Variants in CDCA4 observed in about 807,000 individuals in gnomAD.
CDCA4 encodes the protein cell division cycle associated 4.
For missense variants in CDCA4, 294 were observed against 322.1 expected (o/e 0.91, Z 0.67); for synonymous variants, 130 against 137.0 (o/e 0.95, Z 0.36).
chr14:105,018,484 G>C (rs147823161), intron 1 of CDCA4, among the ~76,000 whole-genome samples: 1 of 152,300 alleles, frequency 6.6e-6, no homozygotes, highest in African/African-American at 2.4e-5. Flanking sequence ...ATGTGTTCAG[G>C]AGTGAAGAGG....
intron 1 of CDCA4, among the ~76,000 whole-genome samples, chr14:105,014,971 C>A (rs1167870415): frequency 6.6e-6 from 1 of 152,182 alleles, no homozygotes; most frequent in African/African-American, 2.4e-5. Flanking sequence ...GCACAACCCC[C>A]ATAATGTGGG....
intron 1 of CDCA4, among the ~76,000 whole-genome samples, chr14:105,018,878 AGGCACG>A (rs1235383682): frequency 1.3e-5 from 2 of 152,016 alleles, no homozygotes; most frequent in Non-Finnish European, 1.5e-5. Flanking sequence ...CTAGGACTAC[AGGCACG>A]CGCCACCACA....
rs1900458921 is a variant in CDCA4, at chr14:105,010,162, G to C, written c.*1042C>G. The C allele has an allele frequency of 6.5e-6, 1 of 152,696 alleles. No individual in the cohort carries two copies. The highest frequency in any genetic ancestry group is 2.4e-5 in the African/African-American group (1 of 41,452). The allele number at this position is 152,696 out of a possible 1,614,324, so 9.5% of individuals were successfully genotyped here. ...CAGCACCCATGACACTACAGATCAA[G>C]GGGTTATGAATGACATGGATTCAGA... On this transcript the variant is annotated 3_prime_UTR_variant, in exon 2 of 2. Transcript: ENST00000336219.
chr14:105,020,238 C>T (rs113767999), intron 1 of CDCA4, among the ~76,000 whole-genome samples: 31 of 152,306 alleles, frequency 2.0e-4, no homozygotes, highest in African/African-American at 7.2e-4. Flanking sequence ...GTTGATAAAA[C>T]GTAAGTTTTG....
At chr14:105,018,884 G>A (rs1886153172) in intron 1 of CDCA4, among the ~76,000 whole-genome samples, 1 of 151,852 alleles carries the variant, frequency 6.6e-6, no homozygotes, top group East Asian at 1.9e-4. Flanking sequence ...CTACAGGCAC[G>A]CGCCACCACA....
At chr14:105,020,567 C>A (rs1373157718) in intron 1 of CDCA4, among the ~76,000 whole-genome samples, 6 of 152,222 alleles carry the variant, frequency 3.9e-5, no homozygotes, top group Non-Finnish European at 5.9e-5. Context: ...CATCCGCGGC[C>A]CTCTCCGCGG....
chr14:105,010,598 C>T lies in CDCA4; in HGVS notation c.*606G>A, dbSNP rs1900472280. On this transcript the variant is annotated 3_prime_UTR_variant, in exon 2 of 2. Transcript: ENST00000336219. ...CACACATTTAAAGTAAAACATGATACATTCACACTGTTGACTGAGACTGTA... is the reference window on the plus strand; with the variant it reads ...CACACATTTAAAGTAAAACATGATATATTCACACTGTTGACTGAGACTGTA... 1 of 152,342 alleles carries T rather than the reference C, an allele frequency of 6.6e-6. No homozygotes were observed. The highest frequency in any genetic ancestry group is 2.1e-4 in the South Asian group (1 of 4,836). 9.4% of individuals were successfully genotyped at this position (152,342 alleles called of 1,614,324 possible). A position where few individuals can be genotyped will look rare whatever the true frequency, so the allele number is the denominator to read the frequency against.
chr14:105,014,647 C>T (rs1259034657), intron 1 of CDCA4, among the ~76,000 whole-genome samples: 2 of 152,222 alleles, frequency 1.3e-5, no homozygotes, highest in Non-Finnish European at 2.9e-5. Flanking sequence ...CTTTTCAGAG[C>T]TTTTCCATCC....
chr14:105,020,229 T>C (rs992244799), intron 1 of CDCA4, among the ~76,000 whole-genome samples: 3 of 152,204 alleles, frequency 2.0e-5, no homozygotes, highest in Non-Finnish European at 4.4e-5. Context: ...ACGTAGAAAG[T>C]TGATAAAACG....
chr14:105,020,543 T>C (rs1886203132), intron 1 of CDCA4, among the ~76,000 whole-genome samples: 1 of 152,172 alleles, frequency 6.6e-6, no homozygotes, highest in Admixed American at 6.5e-5. Context: ...GCCCGGGGTC[T>C]GGGCCTCCTC....
At chr14:105,018,719 A>G (rs1403720053) in intron 1 of CDCA4, among the ~76,000 whole-genome samples, 1 of 147,482 alleles carries the variant, frequency 6.8e-6, no homozygotes, top group Non-Finnish European at 1.5e-5. Flanking sequence ...GGGGCTGTGG[A>G]GCCTAGCTCC....
rs1566937747 is a variant in CDCA4, at chr14:105,011,142, G to A, written c.*62C>T. On this transcript the variant is annotated 3_prime_UTR_variant, in exon 2 of 2. Coordinates refer to ENST00000336219, the MANE Select transcript of CDCA4 (RefSeq NM_017955.4). The stretch of plus-strand genomic sequence containing the variant: ...GCCGCTGGCGGCAGGCGCACCCTCC[G>A]TGGGAGCCAGTGCTCACGTGTCAAT... 3 of 1,523,410 alleles carry A rather than the reference G, an allele frequency of 2.0e-6. No homozygotes were observed. The highest frequency in any genetic ancestry group is 2.6e-6 in the Non-Finnish European group (3 of 1,136,432). The allele number at this position is 1,523,410 out of a possible 1,614,324, so 94.4% of individuals were successfully genotyped here.
chr14:105,011,644 C>T lies in CDCA4; in HGVS notation c.286G>A (p.Val96Ile), dbSNP rs1268733764. 1.9e-6 allele frequency: 3 copies of T among 1,613,788 alleles called. No individual in the cohort carries two copies. The South Asian group carries it at 3.3e-5, about 18-fold the overall frequency. ...GCACGGCACAGGATCTCCGTGGAGA[C>T]CAAGCGGTCGAGCGGCGCCCGCTCT... ...AAERAPLDRL[V>I]STEILCRAAW... The change falls in exon 2 of 2, where the codon GTC becomes ATC. Residue 96 changes from valine (V) to isoleucine (I), a missense_variant. Physicochemically the swap from Val to Ile is conservative, Grantham distance 29. Coordinates refer to ENST00000336219, the MANE Select transcript of CDCA4 (RefSeq NM_017955.4).
intron 1 of CDCA4, among the ~76,000 whole-genome samples, chr14:105,012,744 C>A (rs1333624010): frequency 1.3e-5 from 2 of 152,224 alleles, no homozygotes; most frequent in African/African-American, 2.4e-5. Context: ...CTCCCCCCAC[C>A]CGCCCCACCA....
At chr14:105,013,058 G>C (rs1452870566) in intron 1 of CDCA4, among the ~76,000 whole-genome samples, 1 of 152,220 alleles carries the variant, frequency 6.6e-6, no homozygotes, top group Non-Finnish European at 1.5e-5. Flanking sequence ...CAGATTCCTG[G>C]ATCTTACCCC....
At chr14:105,015,180 C>G (rs373032407) in intron 1 of CDCA4, among the ~76,000 whole-genome samples, 11 of 152,284 alleles carry the variant, frequency 7.2e-5, no homozygotes, top group African/African-American at 2.6e-4. Context: ...TGAGTCCAAA[C>G]CCAACGACAG....
rs919866472 is a variant in CDCA4, at chr14:105,009,628, C to G, written c.*1576G>C. ...AATGCTATACAGAAACAAAATAGTGCTTTAGATTTATTCCTATAAAACACA... is the reference window on the plus strand; with the variant it reads ...AATGCTATACAGAAACAAAATAGTGGTTTAGATTTATTCCTATAAAACACA... On this transcript the variant is annotated 3_prime_UTR_variant, in exon 2 of 2. Transcript: ENST00000336219. The G allele has an allele frequency of 1.3e-5, 2 of 152,186 alleles. No homozygotes were observed. Among genetic ancestry groups the G allele is most frequent in the African/African-American group, 4.8e-5 (2 of 41,450 alleles). The allele number at this position is 152,186 out of a possible 1,614,324, so 9.4% of individuals were successfully genotyped here.
intron 1 of CDCA4, among the ~76,000 whole-genome samples, chr14:105,019,444 G>A (rs757443364): frequency 1.3e-5 from 2 of 152,254 alleles, no homozygotes; most frequent in Admixed American, 6.5e-5. Flanking sequence ...AGTAGGGCTG[G>A]GACGGTTGGG....
intron 1 of CDCA4, among the ~76,000 whole-genome samples, chr14:105,016,966 A>G (rs970714634): frequency 2.0e-5 from 3 of 152,234 alleles, no homozygotes; most frequent in Admixed American, 6.5e-5. Context: ...GACATTCTAG[A>G]ACATGTTTTT....
Sources: gnomAD v4.1 joint callset for allele counts (sites outside exome capture counted in the v4.1 genomes callset) on GRCh38, gnomAD v4.1.1 for gene constraint, MANE v1.5 for transcripts, NCBI Gene and HGNC (gene_info 2026-07-23, HGNC 2026-07-21) for gene names.